SH3KBP1: variants seen among roughly 807,000 people sequenced by gnomAD.
SH3KBP1 encodes SH3 domain containing kinase binding protein 1, also known as SH3 domain-containing kinase-binding protein 1.
Under a neutral mutation model 50.1 loss-of-function variants are expected in SH3KBP1, and 8 were observed. That is an observed-to-expected ratio of 0.16 (90% CI 0.09 to 0.29). The LOEUF is 0.29. SH3KBP1 is among the 10% of genes least tolerant of loss of function. SH3KBP1 has a pLI of 1.00. For missense variants in SH3KBP1, 377 were observed against 535.2 expected, an observed-to-expected ratio of 0.70 and a Z score of 2.92; for synonymous variants, 227 against 218.6, an observed-to-expected ratio of 1.04 and a Z score of -0.34.
rs780542093 is a variant in SH3KBP1, at chrX:19,580,352, C to T, written c.1298+8291G>A. 4.5e-5 allele frequency among the ~76,000 whole-genome samples: 5 copies of T among 110,837 alleles called. No individual in the cohort carries two copies. The South Asian group carries it at 1.9e-3, about 41-fold the overall frequency. On this transcript the variant is annotated intron_variant, in intron 12 of 17. Transcript: ENST00000397821. The stretch of plus-strand genomic sequence containing the variant: ...CCATTCTCCATCTTTTTTCCATAGC[C>T]AATTTCTCACAAGACAAGTCTACCC...
intron 2 of SH3KBP1, among the ~76,000 whole-genome samples, chrX:19,798,367 A>G (rs1425840987): frequency 9.0e-6 from 1 of 111,093 alleles, no homozygotes; most frequent in East Asian, 2.8e-4. Context: ...AATTACAGGC[A>G]TAAACCATTG....
chrX:19,589,548 T>C (rs774156806), intron 11 of SH3KBP1, among the ~76,000 whole-genome samples: 21 of 111,475 alleles, frequency 1.9e-4, no homozygotes, highest in Non-Finnish European at 3.6e-4. Flanking sequence ...TCACAGATAT[T>C]AGAATGAAGT....
intron 2 of SH3KBP1, among the ~76,000 whole-genome samples, chrX:19,814,266 T>C (rs2067291512): frequency 9.0e-6 from 1 of 111,263 alleles, no homozygotes; most frequent in South Asian, 3.8e-4. Flanking sequence ...CTCCCCTGTA[T>C]TCCTGCAAAG....
At chrX:19,832,936 G>A (rs73443526) in intron 2 of SH3KBP1, among the ~76,000 whole-genome samples, 2,479 of 112,422 alleles carry the variant, frequency 0.022, 45 homozygotes, top group African/African-American at 0.065. Flanking sequence ...CACTGACAGC[G>A]CGCCAGCCCT....
At chrX:19,722,581 T>C (rs1267873159) in intron 3 of SH3KBP1, among the ~76,000 whole-genome samples, 3 of 101,497 alleles carry the variant, frequency 3.0e-5, no homozygotes, top group African/African-American at 1.2e-4. Flanking sequence ...TGTGTGTGTG[T>C]GTGTGTGTGT....
chrX:19,876,747 TGGGA>T (rs2069265854), intron 1 of SH3KBP1, among the ~76,000 whole-genome samples: 1 of 111,699 alleles, frequency 9.0e-6, no homozygotes, highest in Admixed American at 9.5e-5. Flanking sequence ...AGGACAGAGA[TGGGA>T]GGGAGACTTT....
intron 8 of SH3KBP1, among the ~76,000 whole-genome samples, chrX:19,629,807 C>T (rs142173811): frequency 2.7e-3 from 300 of 112,242 alleles, no homozygotes; most frequent in Non-Finnish European, 4.8e-3. Flanking sequence ...AATAGCAGTG[C>T]GCTGCTTCAG....
At chrX:19,551,279 T>C (rs149188947) in intron 13 of SH3KBP1, among the ~76,000 whole-genome samples, 1,328 of 111,137 alleles carry the variant, frequency 0.012, 21 homozygotes, top group African/African-American at 0.041. Context: ...TCCGCAGAGA[T>C]GGCACAAAGG....
chrX:19,776,885 T>G (rs2065999281), intron 2 of SH3KBP1, among the ~76,000 whole-genome samples: 1 of 109,878 alleles, frequency 9.1e-6, no homozygotes, highest in Non-Finnish European at 1.9e-5. Flanking sequence ...ACTTCCTCTC[T>G]TAGTTTTCAC....
At chrX:19,823,886 A>G (rs1448012042) in intron 2 of SH3KBP1, among the ~76,000 whole-genome samples, 1 of 111,695 alleles carries the variant, frequency 9.0e-6, no homozygotes, top group Non-Finnish European at 1.9e-5. Flanking sequence ...CAGTGCCACA[A>G]TCTCGGCTCA....
intron 13 of SH3KBP1, among the ~76,000 whole-genome samples, chrX:19,568,797 C>T (rs73631357): frequency 0.034 from 3,809 of 113,009 alleles, 149 homozygotes; most frequent in African/African-American, 0.11. Context: ...ACACAAATCA[C>T]TGGAAACTGT....
At chrX:19,852,737 C>T (rs1414108361) in intron 1 of SH3KBP1, among the ~76,000 whole-genome samples, 2 of 110,894 alleles carry the variant, frequency 1.8e-5, no homozygotes, top group African/African-American at 6.6e-5. Context: ...GGCCTGCTGC[C>T]CTTCTACATT....
chrX:19,576,822 G>C (rs2035324335), intron 12 of SH3KBP1, among the ~76,000 whole-genome samples: 1 of 111,668 alleles, frequency 9.0e-6, no homozygotes, highest in African/African-American at 3.3e-5. Flanking sequence ...TGCTGGGAGT[G>C]CTGTCAGCAG....
In SH3KBP1 at chrX:19,670,386, T is replaced by C. The variant is rs761346663; in HGVS notation, c.726+13437A>G. 8 of 751,222 alleles carry C rather than the reference T, an allele frequency of 1.1e-5. No individual in the cohort carries two copies. The African/African-American group carries it at 1.4e-4, about 13-fold the overall frequency. 61.9% of individuals were successfully genotyped at this position (751,222 alleles called of 1,213,427 possible). A position where few individuals can be genotyped will look rare whatever the true frequency, so the allele number is the denominator to read the frequency against. ...GTGAAACGCCCCACAGCTGGCTTGCTCTGCATGGACATACCCTTCTCTCTA... is the reference window on the plus strand; with the variant it reads ...GTGAAACGCCCCACAGCTGGCTTGCCCTGCATGGACATACCCTTCTCTCTA... On this transcript the variant is annotated intron_variant, in intron 6 of 17. Coordinates refer to ENST00000397821, the MANE Select transcript of SH3KBP1 (RefSeq NM_031892.3).
intron 3 of SH3KBP1, among the ~76,000 whole-genome samples, chrX:19,731,977 T>C (rs1187903903): frequency 8.9e-5 from 10 of 112,154 alleles, no homozygotes; most frequent in African/African-American, 3.2e-4. Flanking sequence ...GACTAAGGTT[T>C]TCCTTTTTTC....
At chrX:19,772,570 C>G (rs958191734) in intron 2 of SH3KBP1, among the ~76,000 whole-genome samples, 1 of 111,186 alleles carries the variant, frequency 9.0e-6, no homozygotes. Context: ...CATTTCCTCT[C>G]CGTTCCAACA....
chrX:19,646,606 C>T (rs1036052642), intron 6 of SH3KBP1, among the ~76,000 whole-genome samples: 1 of 112,234 alleles, frequency 8.9e-6, no homozygotes, highest in Non-Finnish European at 1.9e-5. Context: ...GAGGAATGAA[C>T]TGCATAATTC....
intron 2 of SH3KBP1, among the ~76,000 whole-genome samples, chrX:19,788,497 C>T (rs891053158): frequency 1.8e-5 from 2 of 110,677 alleles, no homozygotes; most frequent in Non-Finnish European, 3.8e-5. Flanking sequence ...TGAATTCCAG[C>T]CTCCAGAACT....
chrX:19,793,305 G>GAAAAA (rs1276369664), intron 2 of SH3KBP1, among the ~76,000 whole-genome samples: 374 of 94,511 alleles, frequency 4.0e-3, no homozygotes, highest in African/African-American at 4.5e-3. Context: ...TTGTCTCAAG[G>GAAAAA]AAAAAAAAAT....
Sources: gnomAD v4.1 joint callset for allele counts (sites outside exome capture counted in the v4.1 genomes callset) on GRCh38, gnomAD v4.1.1 for gene constraint, MANE v1.5 for transcripts, NCBI Gene and HGNC (gene_info 2026-07-23, HGNC 2026-07-21) for gene names.